KCNJ12: variants seen among roughly 807,000 people sequenced by gnomAD.
KCNJ12 encodes potassium inwardly rectifying channel subfamily J member 12.
A neutral mutation model predicts 22.3 loss-of-function variants in KCNJ12; 2 were observed. The ratio of observed to expected loss-of-function variants is 0.09; its 90% CI spans 0.04 to 0.28. KCNJ12 has a LOEUF of 0.28. Among genes scored for constraint, KCNJ12 ranks in the 10% least tolerant of loss-of-function variants. KCNJ12 has a pLI of 1.00. For synonymous variants in KCNJ12, 117 were observed against 261.4 expected (o/e 0.45, Z 5.33); for missense variants, 155 against 633.3 (o/e 0.24, Z 8.11).
At chr17:21,378,401 C>T (rs1904745321) in intron 1 of KCNJ12, among the ~76,000 whole-genome samples, 1 of 152,242 alleles carries the variant, frequency 6.6e-6, no homozygotes, top group Admixed American at 6.5e-5. Flanking sequence ...AAAGACTTCA[C>T]AGCGAAGTCT....
At chr17:21,382,698 C>G (rs1555558134) in intron 1 of KCNJ12, among the ~76,000 whole-genome samples, 1 of 152,068 alleles carries the variant, frequency 6.6e-6, no homozygotes, top group African/African-American at 2.4e-5. Context: ...CTGGTGGCCC[C>G]TTTTGTGGGG....
At chr17:21,392,520 T>C (rs1393729285) in intron 1 of KCNJ12, among the ~76,000 whole-genome samples, 2 of 152,364 alleles carry the variant, frequency 1.3e-5, no homozygotes, top group South Asian at 4.1e-4. Context: ...TTAATCATCT[T>C]GTTGGCACTT....
chr17:21,415,349 G>A lies in KCNJ12; in HGVS notation c.7G>A (p.Ala3Thr), dbSNP rs367663948. MT[A>T]ASRANPYSIV... The stretch of plus-strand genomic sequence containing the variant: ...GGGTCCCCCAACCCCCGGGATGACC[G>A]CGGCCAGCCGGGCCAACCCCTACAG... Residue 3 changes from alanine to threonine, a missense_variant, in exon 3 of 3, where the codon GCG becomes ACG. By Grantham distance (58) the Ala-to-Thr change is moderately conservative (BLOSUM62 0). Coordinates refer to ENST00000583088, the MANE Select transcript of KCNJ12 (RefSeq NM_021012.5). The A allele has an allele frequency of 3.1e-5, 50 of 1,607,222 alleles. No homozygotes were observed. The African/African-American group carries it at 3.5e-4, about 11-fold the overall frequency.
chr17:21,390,172 T>G (rs1555559145), intron 1 of KCNJ12, among the ~76,000 whole-genome samples: 1 of 152,016 alleles, frequency 6.6e-6, no homozygotes, highest in East Asian at 1.9e-4. Context: ...ACAGCTTCCC[T>G]CCCCATGATG....
chr17:21,402,541 C>T (rs1163397770), intron 1 of KCNJ12, among the ~76,000 whole-genome samples: 2 of 152,312 alleles, frequency 1.3e-5, no homozygotes, highest in African/African-American at 2.4e-5. Flanking sequence ...GATAGGCTTT[C>T]TGGAAGGCCT....
At chr17:21,399,534 G>T (rs1474171381) in intron 1 of KCNJ12, among the ~76,000 whole-genome samples, 1 of 152,158 alleles carries the variant, frequency 6.6e-6, no homozygotes, top group African/African-American at 2.4e-5. Flanking sequence ...GGGCCAAACA[G>T]GGGCCAGACA....
At position 21,407,993 on chromosome 17, in the gene KCNJ12, T is replaced by TCATCCATCCATCCATCCATCCATC. The variant is rs60311230; in HGVS notation, c.-178-519_-178-496dup. ...ATTCATTTATCCACCCACCCATCCA[T>TCATCCATCCATCCATCCATCCATC]CATCCATCCATCCATCCATCCATCC... is the stretch of plus-strand genomic sequence containing the variant. On this transcript the variant is annotated intron_variant, in intron 1 of 2. Coordinates refer to ENST00000583088, the MANE Select transcript of KCNJ12 (RefSeq NM_021012.5). Among the ~76,000 whole-genome samples, 87 of 134,498 alleles carry TCATCCATCCATCCATCCATCCATC rather than the reference T, an allele frequency of 6.5e-4. 1 individual carries two copies. The highest frequency in any genetic ancestry group is 8.9e-4 in the East Asian group (4 of 4,482). 88.2% of individuals were successfully genotyped at this position (134,498 alleles called of 152,430 possible).
chr17:21,398,310 C>T (rs1555560118), intron 1 of KCNJ12, among the ~76,000 whole-genome samples: 1 of 152,220 alleles, frequency 6.6e-6, no homozygotes, highest in East Asian at 1.9e-4. Context: ...CCTGGTCATA[C>T]CCCACACTTC....
chr17:21,383,026 C>T (rs1904931959), intron 1 of KCNJ12, among the ~76,000 whole-genome samples: 1 of 152,076 alleles, frequency 6.6e-6, no homozygotes, highest in Non-Finnish European at 1.5e-5. Flanking sequence ...GCCACAGACC[C>T]TCTGTCCCTG....
chr17:21,407,380 G>A (rs1597575506), intron 1 of KCNJ12, among the ~76,000 whole-genome samples: 1 of 144,962 alleles, frequency 6.9e-6, no homozygotes, highest in Non-Finnish European at 1.5e-5. Flanking sequence ...ATCCATCCAT[G>A]CACCCATCAC....
At chr17:21,398,031 C>CCTGCCACCCTGCAGCCA (rs1905431448) in intron 1 of KCNJ12, among the ~76,000 whole-genome samples, 1 of 152,156 alleles carries the variant, frequency 6.6e-6, no homozygotes, top group South Asian at 2.1e-4. Flanking sequence ...CCAGACCATC[C>CCTGCCACCCTGCAGCCA]CTGCCACCCT....
intron 1 of KCNJ12, among the ~76,000 whole-genome samples, chr17:21,377,567 C>T (rs1271522107): frequency 1.3e-5 from 2 of 152,064 alleles, no homozygotes; most frequent in Admixed American, 6.5e-5. Flanking sequence ...CCCAGGGTTT[C>T]AGGGCCAGGG....
intron 1 of KCNJ12, among the ~76,000 whole-genome samples, chr17:21,388,013 C>T (rs1264025766): frequency 2.0e-5 from 3 of 152,290 alleles, no homozygotes; most frequent in African/African-American, 7.2e-5. Context: ...GCCACCAGTT[C>T]TGGCCGTGAA....
chr17:21,407,755 TCATC>T (rs1240756282), intron 1 of KCNJ12, among the ~76,000 whole-genome samples: 197 of 148,938 alleles, frequency 1.3e-3, no homozygotes, highest in Admixed American at 2.3e-3. Flanking sequence ...ATCCATCCAT[TCATC>T]CATCCATCCA....
chr17:21,403,394 T>C (rs1288530766), intron 1 of KCNJ12, among the ~76,000 whole-genome samples: 1 of 152,308 alleles, frequency 6.6e-6, no homozygotes, highest in Admixed American at 6.5e-5. Context: ...ATACATATTT[T>C]TATGTTGGCA....
At position 21,418,880 on chromosome 17, in the gene KCNJ12, G is replaced by A. The variant is rs1187524250; in HGVS notation, c.*2236G>A. The stretch of plus-strand genomic sequence containing the variant: ...GTGCCCTTCCAGGGCCAGTGAGACA[G>A]CCTTCTACTCCCCCGACCCAGAGCT... On this transcript the variant is annotated 3_prime_UTR_variant, in exon 3 of 3. Transcript: ENST00000583088. 2.4e-5 allele frequency: 4 copies of A among 166,766 alleles called. No individual in the cohort carries two copies. The highest frequency in any genetic ancestry group is 5.9e-5 in the Non-Finnish European group (4 of 68,246). 10.3% of individuals were successfully genotyped at this position (166,766 alleles called of 1,614,324 possible).
At chr17:21,397,666 T>A (rs1905415472) in intron 1 of KCNJ12, among the ~76,000 whole-genome samples, 1 of 152,126 alleles carries the variant, frequency 6.6e-6, no homozygotes, top group Admixed American at 6.5e-5. Flanking sequence ...TTTGTGAGGG[T>A]GTGGCCCAGA....
intron 1 of KCNJ12, among the ~76,000 whole-genome samples, chr17:21,385,746 C>CAGGGCTCA (rs1905051412): frequency 6.6e-6 from 1 of 152,238 alleles, no homozygotes; most frequent in Non-Finnish European, 1.5e-5. Context: ...GGTAGATGCC[C>CAGGGCTCA]TGACTCTGCA....
intron 1 of KCNJ12, among the ~76,000 whole-genome samples, chr17:21,382,898 G>A (rs982479139): frequency 1.3e-5 from 2 of 152,232 alleles, no homozygotes; most frequent in African/African-American, 2.4e-5. Context: ...CCCCAAGGGT[G>A]TACAGGAGGG....
Sources: gnomAD v4.1 joint callset for allele counts (sites outside exome capture counted in the v4.1 genomes callset) on GRCh38, gnomAD v4.1.1 for gene constraint, MANE v1.5 for transcripts, NCBI Gene and HGNC (gene_info 2026-07-23, HGNC 2026-07-21) for gene names.